The following WWC2 variants were observed in gnomAD, a reference collection of about 807,000 sequenced individuals.
The protein encoded by WWC2 is protein WWC2.
A neutral mutation model predicts 138.5 loss-of-function variants in WWC2; 101 were observed. That is an observed-to-expected ratio of 0.73 (90% CI 0.62 to 0.86). The LOEUF is 0.86. Ranked by LOEUF, WWC2 falls within the 40% of genes least tolerant of loss-of-function variation. WWC2 has a pLI of 0.00. For synonymous variants in WWC2, 558 were observed against 538.4 expected, an observed-to-expected ratio of 1.04 and a Z score of -0.50; for missense variants, 1,420 against 1,419.4, an observed-to-expected ratio of 1.00 and a Z score of -0.01.
chr4:183,259,377 C>T (rs1737250832), intron 9 of WWC2, among the ~76,000 whole-genome samples: 1 of 152,012 alleles, frequency 6.6e-6, no homozygotes, highest in African/African-American at 2.4e-5. Context: ...TATTACTTAC[C>T]CATTTAAAAA....
chr4:183,275,856 G>A (rs541428496), intron 16 of WWC2, among the ~76,000 whole-genome samples: 3 of 152,154 alleles, frequency 2.0e-5, no homozygotes, highest in South Asian at 2.1e-4. Flanking sequence ...TTCTGTAAAC[G>A]TTTCATAGAA....
At chr4:183,180,049 A>G (rs1200768596) in intron 1 of WWC2, among the ~76,000 whole-genome samples, 1 of 152,224 alleles carries the variant, frequency 6.6e-6, no homozygotes, top group Non-Finnish European at 1.5e-5. Context: ...TGATGTTTGA[A>G]TTAATTTTTA....
chr4:183,291,218 A>C (rs1039367529), intron 21 of WWC2, among the ~76,000 whole-genome samples: 2 of 152,102 alleles, frequency 1.3e-5, no homozygotes, highest in African/African-American at 4.8e-5. Context: ...TTCATGGAGG[A>C]GGTGGCACTT....
intron 1 of WWC2, among the ~76,000 whole-genome samples, chr4:183,128,909 A>G (rs1346125321): frequency 6.6e-6 from 1 of 152,218 alleles, no homozygotes; most frequent in African/African-American, 2.4e-5. Context: ...ACAGTGAAAT[A>G]TAGACTTACT....
chr4:183,131,003 C>T (rs1194713633), intron 1 of WWC2, among the ~76,000 whole-genome samples: 1 of 152,170 alleles, frequency 6.6e-6, no homozygotes, highest in African/African-American at 2.4e-5. Flanking sequence ...GCAATCAAGA[C>T]AGTGTGGTAT....
intron 3 of WWC2, among the ~76,000 whole-genome samples, 196 bp downstream of exon 3, chr4:183,208,352 G>T (rs774009215): frequency 2.6e-5 from 4 of 152,186 alleles, no homozygotes; most frequent in Non-Finnish European, 4.4e-5. Context: ...ATCCCTGTTT[G>T]GGGGTTATGC....
chr4:183,138,087 C>G (rs1254226608), intron 1 of WWC2, among the ~76,000 whole-genome samples: 2 of 152,110 alleles, frequency 1.3e-5, no homozygotes, highest in Non-Finnish European at 2.9e-5. Context: ...CACCTAAATT[C>G]CTATCTTTGC....
At chr4:183,294,371 G>A (rs1738562164) in intron 21 of WWC2, among the ~76,000 whole-genome samples, 1 of 152,136 alleles carries the variant, frequency 6.6e-6, no homozygotes, top group Non-Finnish European at 1.5e-5. Flanking sequence ...ACAAGGAGAG[G>A]GACTTGCCCT....
At position 183,124,536 on chromosome 4, in the gene WWC2, C is replaced by CTTTTTTTTTTTTTT. The variant is rs370409813; in HGVS notation, c.131+24917_131+24930dup. Among the ~76,000 whole-genome samples, 15 of 122,808 alleles carry CTTTTTTTTTTTTTT rather than the reference C, an allele frequency of 1.2e-4. 1 individual carries two copies. The highest frequency in any genetic ancestry group is 4.7e-4 in the African/African-American group (15 of 32,132). The allele number at this position is 122,808 out of a possible 152,430, so 80.6% of individuals were successfully genotyped here. On this transcript the variant is annotated intron_variant, in intron 1 of 22. Transcript: ENST00000403733. ...TGCTTTTTCTTTTTTTCCTTTTTCT[C>CTTTTTTTTTTTTTT]TTTTTTTTTTTTTTTTGCTGGGATT...
In WWC2 at chr4:183,320,214, G is replaced by A. The variant is rs756999287; in HGVS notation, c.*4485G>A. On this transcript the variant is annotated 3_prime_UTR_variant, in exon 23 of 23. Coordinates refer to ENST00000403733, the MANE Select transcript of WWC2 (RefSeq NM_024949.6). The stretch of plus-strand genomic sequence containing the variant: ...TTGAGCTACAGTTCTAAATACTAAA[G>A]CCATTATAATGTCCTGAGAGCTTTA... The A allele has an allele frequency of 1.4e-5, 22 of 1,612,652 alleles. No homozygotes were observed. Among genetic ancestry groups the A allele is most frequent in the Non-Finnish European group, 1.9e-5 (22 of 1,179,354 alleles).
chr4:183,312,310 G>A (rs1739278432), intron 21 of WWC2, 31 bp from the exon 22 acceptor site: 2 of 1,607,708 alleles, frequency 1.2e-6, no homozygotes, highest in Non-Finnish European at 1.7e-6. Context: ...AGTGTTTTGT[G>A]TGTTTCTTAC....
chr4:183,156,068 C>T (rs1172162118), intron 1 of WWC2, among the ~76,000 whole-genome samples: 2 of 151,880 alleles, frequency 1.3e-5, no homozygotes, highest in African/African-American at 4.8e-5. Flanking sequence ...GCTCTGCCGC[C>T]CAGATTGGAG....
chr4:183,164,292 A>ATATATAT (rs1554068559), intron 1 of WWC2, among the ~76,000 whole-genome samples: 2 of 296 alleles, frequency 6.8e-3, no homozygotes, highest in African/African-American at 0.011. Flanking sequence ...ATATATATAT[A>ATATATAT]TATATATACA....
chr4:183,233,617 A>T (rs1736326351), intron 4 of WWC2: 1 of 152,054 alleles, frequency 6.6e-6, no homozygotes, highest in Non-Finnish European at 1.5e-5. Flanking sequence ...CAAAAGATTT[A>T]AAAAAAATAA....
intron 5 of WWC2, among the ~76,000 whole-genome samples, chr4:183,242,362 A>C (rs995301977): frequency 2.0e-5 from 3 of 152,214 alleles, no homozygotes; most frequent in Admixed American, 6.5e-5. Context: ...ATAGAATGGA[A>C]TATATTTGTT....
In WWC2 at chr4:183,253,895, G is replaced by A; in HGVS notation, c.1092G>A (p.Gln364=). 1 of 1,613,872 alleles carries A rather than the reference G, an allele frequency of 6.2e-7. No individual in the cohort carries two copies. The highest frequency in any genetic ancestry group is 8.5e-7 in the Non-Finnish European group (1 of 1,179,848). The change falls in exon 9 of 23, where the codon CAG becomes CAA. Residue 364 remains glutamine, a synonymous_variant. Coordinates refer to ENST00000403733, the MANE Select transcript of WWC2 (RefSeq NM_024949.6). ...AAGAGCTTCAGTTCGTCACCCCACA[G>A]AAACGTACCCAAGATGAATTAGAAC... ...LLKELQFVTP[Q]KRTQDELERL...
intron 2 of WWC2, among the ~76,000 whole-genome samples, 161 bp from the exon 3 acceptor site, chr4:183,207,792 C>G (rs1165819101): frequency 6.6e-6 from 1 of 152,144 alleles, no homozygotes; most frequent in Non-Finnish European, 1.5e-5. Context: ...GTTGATGAGA[C>G]TGGGTAAAAT....
At chr4:183,265,245 G>A in intron 12 of WWC2, 138 bp downstream of exon 12, 3 of 1,236,810 alleles carry the variant, frequency 2.4e-6, no homozygotes, top group South Asian at 4.4e-5. Flanking sequence ...GAAGTGGTGT[G>A]CCTGAAAAGT....
At chr4:183,216,856 TTGAC>T (rs1735773831) in intron 4 of WWC2, among the ~76,000 whole-genome samples, 1 of 152,160 alleles carries the variant, frequency 6.6e-6, no homozygotes, top group African/African-American at 2.4e-5. Flanking sequence ...CCTCAAATCT[TTGAC>T]TGAATACTGA....
Sources: allele counts gnomAD v4.1 joint callset (sites outside exome capture counted in the v4.1 genomes callset), GRCh38; gene constraint gnomAD v4.1.1; transcripts MANE v1.5; gene names NCBI Gene and HGNC (gene_info 2026-07-23, HGNC 2026-07-21).